TENM3: variants seen among roughly 807,000 people sequenced by gnomAD.
The protein encoded by TENM3 is teneurin-3.
In TENM3, 63 loss-of-function variants were observed where a neutral mutation model predicts 255.1. That is an observed-to-expected ratio of 0.25 (90% CI 0.20 to 0.30). The LOEUF (loss-of-function observed/expected upper bound fraction) is 0.30, where lower values mean the gene tolerates loss of function less well. TENM3 is among the 10% of genes least tolerant of loss of function. The pLI, the probability that TENM3 is intolerant of heterozygous loss-of-function variation, is 1.00. For missense variants in TENM3, 2,929 were observed against 3,461.1 expected, an observed-to-expected ratio of 0.85 and a Z score of 3.86; for synonymous variants, 1,306 against 1,322.3, an observed-to-expected ratio of 0.99 and a Z score of 0.27.
At chr4:181,743,572 C>T in the TENM3 span, among the ~76,000 whole-genome samples, 4 of 152,056 alleles carry the variant, frequency 2.6e-5, no homozygotes, top group African/African-American at 4.8e-5. Context: ...GATGCAAATG[C>T]TCTCAGAAAA....
At chr4:182,201,329 CAA>C (rs1754172922) in intron 1 of TENM3, among the ~76,000 whole-genome samples, 1 of 151,988 alleles carries the variant, frequency 6.6e-6, no homozygotes, top group African/African-American at 2.4e-5. Context: ...TAAGGAGAAA[CAA>C]ACAATTCACT....
At chr4:182,002,306 A>G in the TENM3 span, among the ~76,000 whole-genome samples, 9 of 152,110 alleles carry the variant, frequency 5.9e-5, no homozygotes, top group Admixed American at 1.3e-4. Flanking sequence ...CCAGGGGCTC[A>G]GATAATCACA....
intron 6 of TENM3, among the ~76,000 whole-genome samples, chr4:182,659,314 C>T (rs1438727326): frequency 9.1e-6 from 1 of 109,426 alleles, no homozygotes; most frequent in African/African-American, 3.4e-5. Context: ...TATTAAGATA[C>T]TTTGAGAGAG....
the TENM3 span, among the ~76,000 whole-genome samples, chr4:181,489,170 GA>G: frequency 6.6e-6 from 1 of 152,182 alleles, no homozygotes. Context: ...CCTCTGGCCT[GA>G]AAACCTCAAC....
chr4:181,529,056 T>C, the TENM3 span, among the ~76,000 whole-genome samples: 108,545 of 152,126 alleles, frequency 0.71, 38,969 homozygotes, highest in South Asian at 0.84. Context: ...GAAGGCACAG[T>C]GGAGATTATT....
chr4:181,722,757 A>G, the TENM3 span, among the ~76,000 whole-genome samples: 1 of 152,160 alleles, frequency 6.6e-6, no homozygotes, highest in East Asian at 1.9e-4. Flanking sequence ...TTCAATCTTT[A>G]TGTTTCATGA....
the TENM3 span, among the ~76,000 whole-genome samples, chr4:181,616,468 ATAAT>A: frequency 6.7e-6 from 1 of 148,778 alleles, no homozygotes. Context: ...TATTATCCAT[ATAAT>A]TAATATACTA....
At chr4:182,798,809 C>T (rs1766683235) in intron 27 of TENM3, among the ~76,000 whole-genome samples, 1 of 152,112 alleles carries the variant, frequency 6.6e-6, no homozygotes, top group Admixed American at 6.5e-5. Context: ...CTGAGGCTGC[C>T]CCAAGTACAG....
At chr4:182,418,361 C>T (rs1263513939) in intron 3 of TENM3, among the ~76,000 whole-genome samples, 3 of 152,092 alleles carry the variant, frequency 2.0e-5, no homozygotes, top group Non-Finnish European at 4.4e-5. Flanking sequence ...GTTTATTTAA[C>T]CACGGAATTC....
At chr4:182,098,099 T>C in the TENM3 span, among the ~76,000 whole-genome samples, 3 of 152,074 alleles carry the variant, frequency 2.0e-5, no homozygotes, top group Non-Finnish European at 2.9e-5. Context: ...ACATTACTAA[T>C]CATCAGAGAA....
the TENM3 span, among the ~76,000 whole-genome samples, chr4:181,568,162 CTT>C: frequency 1.9e-3 from 246 of 127,984 alleles, no homozygotes; most frequent in African/African-American, 5.2e-3. Flanking sequence ...CCAACTAATA[CTT>C]TTTTTTTTTT....
chr4:182,219,668 A>G (rs1002379789), intron 1 of TENM3, among the ~76,000 whole-genome samples: 1 of 150,926 alleles, frequency 6.6e-6, no homozygotes, highest in Non-Finnish European at 1.5e-5. Flanking sequence ...ATCTCCAAAA[A>G]CAAAAAAAAG....
chr4:182,230,127 TAAAAAA>T (rs34376758), intron 1 of TENM3, among the ~76,000 whole-genome samples: 3 of 134,288 alleles, frequency 2.2e-5, no homozygotes, highest in African/African-American at 5.5e-5. Flanking sequence ...TTGATGCTAC[TAAAAAA>T]AAAAAAAAAA....
chr4:182,500,328 A>C (rs1736191968), intron 3 of TENM3, among the ~76,000 whole-genome samples: 1 of 152,218 alleles, frequency 6.6e-6, no homozygotes, highest in African/African-American at 2.4e-5. Flanking sequence ...CTTACAGATC[A>C]GTAAATTTAA....
At chr4:182,684,847 A>C (rs1756453121) in intron 11 of TENM3, among the ~76,000 whole-genome samples, 1 of 152,266 alleles carries the variant, frequency 6.6e-6, no homozygotes, top group Non-Finnish European at 1.5e-5. Flanking sequence ...CTAATGGCAT[A>C]AAACTACATG....
rs149398802 is a variant in TENM3 at position 182,671,175 on chromosome 4, C to G, written c.1112-1830C>G. On this transcript the variant is annotated intron_variant, in intron 6 of 27. Transcript: ENST00000511685. ...AGCTTGCCCTTGATGCACCAAACCT[C>G]ATGGAATCCTTGTAACGGTGCAATC... Among the ~76,000 whole-genome samples the G allele has an allele frequency of 4.2e-3, 643 of 152,260 alleles. 16 individuals carry two copies. Among genetic ancestry groups the G allele is most frequent in the Admixed American group, 0.035 (538 of 15,302 alleles).
At chr4:181,864,326 G>A in the TENM3 span, among the ~76,000 whole-genome samples, 1 of 152,098 alleles carries the variant, frequency 6.6e-6, no homozygotes, top group Non-Finnish European at 1.5e-5. Flanking sequence ...TCAATGCACT[G>A]ATAATGACCT....
chr4:182,498,366 C>T (rs1192509583), intron 3 of TENM3, among the ~76,000 whole-genome samples: 1 of 152,074 alleles, frequency 6.6e-6, no homozygotes, highest in Non-Finnish European at 1.5e-5. Flanking sequence ...TCGTCTTCAC[C>T]TCTTGAGAAA....
the TENM3 span, among the ~76,000 whole-genome samples, chr4:181,774,018 T>G: frequency 6.1e-5 from 8 of 131,848 alleles, no homozygotes; most frequent in Admixed American, 1.5e-4. Context: ...TTTTTTTTTT[T>G]TTTTTTTTTT....
Sources: gnomAD v4.1 joint callset for allele counts (sites outside exome capture counted in the v4.1 genomes callset) on GRCh38, gnomAD v4.1.1 for gene constraint, MANE v1.5 for transcripts, NCBI Gene and HGNC (gene_info 2026-07-23, HGNC 2026-07-21) for gene names.